UNC5C: variants seen among roughly 807,000 people sequenced by gnomAD.
UNC5C encodes netrin receptor UNC5C.
UNC5C carries 47 observed loss-of-function variants against 99.8 expected under a neutral mutation model. The observed-to-expected ratio is 0.47, with a 90% CI of 0.37 to 0.60. UNC5C has a LOEUF of 0.60. UNC5C is among the 20% of genes least tolerant of loss of function. UNC5C has a pLI of 0.00. For synonymous variants in UNC5C, 487 were observed against 452.2 expected, an observed-to-expected ratio of 1.08 and a Z score of -0.98; for missense variants, 1,062 against 1,165.9, an observed-to-expected ratio of 0.91 and a Z score of 1.30.
intron 1 of UNC5C, among the ~76,000 whole-genome samples, chr4:95,530,153 TTC>T (rs1722605569): frequency 1.3e-5 from 2 of 152,224 alleles, no homozygotes; most frequent in African/African-American, 4.8e-5. Flanking sequence ...AGAATAAATT[TTC>T]TGTCTTGCTT....
chr4:95,426,952 G>A (rs1746503743), intron 1 of UNC5C, among the ~76,000 whole-genome samples: 1 of 152,204 alleles, frequency 6.6e-6, no homozygotes, highest in Non-Finnish European at 1.5e-5. Context: ...GATTATTGAT[G>A]AAGGTAGCAA....
In UNC5C at chr4:95,165,666, C is replaced by G. The variant is rs1735832073; in HGVS notation, c.*3568G>C. On this transcript the variant is annotated 3_prime_UTR_variant, in exon 16 of 16. Transcript: ENST00000453304. Reference sequence around the variant, plus strand: ...AAGCTGCTTTCTTCCCTTTGATTAACAACCCCAATTTTCTCTTCCCTAGAC... The same window carrying G: ...AAGCTGCTTTCTTCCCTTTGATTAAGAACCCCAATTTTCTCTTCCCTAGAC... 6.6e-6 allele frequency: 1 copy of G among 152,212 alleles called. No individual in the cohort carries two copies. The highest frequency in any genetic ancestry group is 1.5e-5 in the Non-Finnish European group (1 of 68,034). The allele number at this position is 152,212 out of a possible 1,614,324, so 9.4% of individuals were successfully genotyped here.
rs376963318 is a variant in UNC5C, at chr4:95,190,395, G to C, written c.2137-5199C>G. On this transcript the variant is annotated intron_variant, in intron 12 of 15. Coordinates refer to ENST00000453304, the MANE Select transcript of UNC5C (RefSeq NM_003728.4). ...TAGGAGATATACCTAATGTAAATGA[G>C]GAGTTAATGGGTGCAGCACACCAAC... Among the ~76,000 whole-genome samples the C allele has an allele frequency of 5.3e-5, 8 of 152,072 alleles. No homozygotes were observed. In the East Asian group the frequency reaches 5.8e-4, roughly 11 times the overall value.
intron 1 of UNC5C, among the ~76,000 whole-genome samples, chr4:95,380,352 T>C (rs545377176): frequency 6.6e-6 from 1 of 152,156 alleles, no homozygotes; most frequent in Non-Finnish European, 1.5e-5. Context: ...TTTAGAGAGA[T>C]AGAAATCATA....
chr4:95,519,003 T>G (rs1722283039), intron 1 of UNC5C, among the ~76,000 whole-genome samples: 1 of 152,116 alleles, frequency 6.6e-6, no homozygotes, highest in Non-Finnish European at 1.5e-5. Context: ...CTAGAGAAAG[T>G]CTCTATTTTC....
At chr4:95,257,863 A>G (rs7674595) in intron 4 of UNC5C, among the ~76,000 whole-genome samples, 36,033 of 152,152 alleles carry the variant, frequency 0.24, 5,529 homozygotes, top group African/African-American at 0.43. Flanking sequence ...CAGGGCCAGC[A>G]TGGCTGCAAC....
At chr4:95,525,765 A>G (rs979429801) in intron 1 of UNC5C, among the ~76,000 whole-genome samples, 1 of 152,148 alleles carries the variant, frequency 6.6e-6, no homozygotes, top group Non-Finnish European at 1.5e-5. Context: ...CTCAAAAGTG[A>G]CAGTCAATTA....
chr4:95,398,991 G>A (rs917872798), intron 1 of UNC5C, among the ~76,000 whole-genome samples: 4 of 152,090 alleles, frequency 2.6e-5, no homozygotes, highest in Admixed American at 6.5e-5. Context: ...GAATAATACA[G>A]GAAAACTGTA....
chr4:95,299,048 A>G (rs1290316356), intron 3 of UNC5C, among the ~76,000 whole-genome samples: 1 of 152,182 alleles, frequency 6.6e-6, no homozygotes, highest in African/African-American at 2.4e-5. Context: ...TGGCTGAACT[A>G]CATCCCATTC....
At chr4:95,488,948 C>G (rs2629835) in intron 1 of UNC5C, among the ~76,000 whole-genome samples, 14,310 of 151,562 alleles carry the variant, frequency 0.094, 1,017 homozygotes, top group African/African-American at 0.19. Flanking sequence ...ACTAAACCAT[C>G]CAATTTGGCA....
chr4:95,235,973 T>G (rs1299016832), intron 7 of UNC5C, among the ~76,000 whole-genome samples: 1 of 152,198 alleles, frequency 6.6e-6, no homozygotes, highest in Non-Finnish European at 1.5e-5. Context: ...GGAACACTTT[T>G]ACAGTGTTGG....
intron 14 of UNC5C, among the ~76,000 whole-genome samples, chr4:95,181,144 C>T (rs762247063): frequency 6.6e-6 from 1 of 152,096 alleles, no homozygotes; most frequent in Non-Finnish European, 1.5e-5. Context: ...ATCTTGACTC[C>T]CCTCACTTCT....
chr4:95,518,550 G>A (rs528208813), intron 1 of UNC5C, among the ~76,000 whole-genome samples: 17 of 152,184 alleles, frequency 1.1e-4, no homozygotes, highest in South Asian at 4.1e-4. Flanking sequence ...AGATAAATAC[G>A]GAGAAAGGCC....
At chr4:95,462,179 C>T (rs535702092) in intron 1 of UNC5C, among the ~76,000 whole-genome samples, 1 of 152,082 alleles carries the variant, frequency 6.6e-6, no homozygotes, top group Non-Finnish European at 1.5e-5. Context: ...CACTTTCCCC[C>T]CCTTTCTCTT....
chr4:95,325,561 G>T (rs1344180634), intron 2 of UNC5C, among the ~76,000 whole-genome samples: 1 of 152,138 alleles, frequency 6.6e-6, no homozygotes, highest in Non-Finnish European at 1.5e-5. Context: ...AATACAAAAG[G>T]AGGAAGATTT....
At chr4:95,390,529 A>T (rs1368013646) in intron 1 of UNC5C, among the ~76,000 whole-genome samples, 2 of 152,206 alleles carry the variant, frequency 1.3e-5, no homozygotes, top group Non-Finnish European at 2.9e-5. Context: ...GTCTGAATTG[A>T]GGTCCAAGTC....
intron 3 of UNC5C, among the ~76,000 whole-genome samples, chr4:95,296,893 G>A (rs1420299205): frequency 6.6e-6 from 1 of 152,082 alleles, no homozygotes; most frequent in Non-Finnish European, 1.5e-5. Context: ...TGTGGCAGTG[G>A]ATGTTGTGGT....
intron 1 of UNC5C, among the ~76,000 whole-genome samples, chr4:95,470,663 A>C (rs929659748): frequency 6.6e-5 from 10 of 152,146 alleles, no homozygotes; most frequent in African/African-American, 2.2e-4. Context: ...GCTATTGCAA[A>C]ATGCTTTTGA....
intron 1 of UNC5C, among the ~76,000 whole-genome samples, chr4:95,442,527 G>A (rs572237449): frequency 4.0e-5 from 6 of 149,956 alleles, no homozygotes; most frequent in South Asian, 2.1e-4. Flanking sequence ...AGATGGAGTC[G>A]TGCTATGTTG....
Sources: gnomAD v4.1 joint callset for allele counts (sites outside exome capture counted in the v4.1 genomes callset) on GRCh38, gnomAD v4.1.1 for gene constraint, MANE v1.5 for transcripts, NCBI Gene and HGNC (gene_info 2026-07-23, HGNC 2026-07-21) for gene names.